SMG7: variants seen among roughly 807,000 people sequenced by gnomAD.
SMG7 encodes the protein SMG7 nonsense mediated mRNA decay factor, also known as nonsense-mediated mRNA decay factor SMG7.
SMG7 carries 34 observed loss-of-function variants against 148.2 expected under a neutral mutation model. The observed-to-expected ratio is 0.23, with a 90% CI of 0.17 to 0.31. The LOEUF (loss-of-function observed/expected upper bound fraction) is 0.31, where lower values mean the gene tolerates loss of function less well. Among genes scored for constraint, SMG7 ranks in the 10% least tolerant of loss-of-function variants. SMG7 has a pLI of 1.00. For missense variants in SMG7, 1,114 were observed against 1,408.4 expected (o/e 0.79, Z 3.35); for synonymous variants, 492 against 515.1 (o/e 0.96, Z 0.61).
In SMG7 at chr1:183,526,642, G is replaced by A. The variant is rs754051143; in HGVS notation, c.359G>A (p.Arg120His). The A allele has an allele frequency of 1.9e-5, 30 of 1,613,028 alleles. No individual in the cohort carries two copies. Among genetic ancestry groups the A allele is most frequent in the East Asian group, 6.7e-5 (3 of 44,880 alleles). The change falls in exon 5 of 23, where the codon CGT becomes CAT. Residue 120 changes from arginine to histidine, a missense_variant. Arg to His is a conservative substitution (Grantham distance 29). Transcript: ENST00000688051. Reference sequence around the variant, plus strand: ...GTATTTAATGTAGATTTACCATGCCGTGTGAAGTCTTCCCAATTGGGAATT... The same window carrying A: ...GTATTTAATGTAGATTTACCATGCCATGTGAAGTCTTCCCAATTGGGAATT... ...CTVFNVDLPC[R>H]VKSSQLGIIS...
At chr1:183,513,826 T>G (rs561037921) in intron 2 of SMG7, among the ~76,000 whole-genome samples, 2 of 151,992 alleles carry the variant, frequency 1.3e-5, no homozygotes, top group East Asian at 3.9e-4. Context: ...GGCCAAGAGT[T>G]CGAGACCAGT....
intron 14 of SMG7, 77 bp downstream of exon 14, chr1:183,542,579 C>G: frequency 9.2e-6 from 12 of 1,299,906 alleles, no homozygotes; most frequent in Non-Finnish European, 1.3e-5. Flanking sequence ...TGTTCTAAAG[C>G]CATGAGAATT....
At chr1:183,501,065 T>G (rs1267927139) in intron 1 of SMG7, 1 of 152,194 alleles carries the variant, frequency 6.6e-6, no homozygotes, top group Non-Finnish European at 1.5e-5. Context: ...ATTCTAGAAT[T>G]GATTAGTGTG....
chr1:183,508,426 C>A (rs1304499065), intron 1 of SMG7, among the ~76,000 whole-genome samples: 1 of 152,042 alleles, frequency 6.6e-6, no homozygotes, highest in South Asian at 2.1e-4. Flanking sequence ...CTCCTGGCTC[C>A]AGTGATCCTC....
At chr1:183,532,673 T>C (rs1260985579) in intron 8 of SMG7, among the ~76,000 whole-genome samples, 3 of 152,236 alleles carry the variant, frequency 2.0e-5, no homozygotes, top group Non-Finnish European at 4.4e-5. Flanking sequence ...TAAGTTTTAA[T>C]GTATCAAGCC....
At chr1:183,491,405 C>T (rs892970328) in intron 1 of SMG7, among the ~76,000 whole-genome samples, 1 of 152,162 alleles carries the variant, frequency 6.6e-6, no homozygotes, top group African/African-American at 2.4e-5. Context: ...AAAGCTAGAA[C>T]ATTCTGTCTA....
At chr1:183,544,328 A>G (rs1669497114) in intron 14 of SMG7, 25 bp from the exon 15 acceptor site, 1 of 1,602,254 alleles carries the variant, frequency 6.2e-7, no homozygotes, top group Admixed American at 1.7e-5. Flanking sequence ...TTTATTATAG[A>G]TAGTTTTGCT....
intron 1 of SMG7, among the ~76,000 whole-genome samples, chr1:183,482,229 T>TG (rs753805578): frequency 5.3e-5 from 8 of 149,922 alleles, no homozygotes; most frequent in East Asian, 2.0e-4. Flanking sequence ...TGTGTGGGGG[T>TG]GGGGGGTCTA....
At position 183,527,319 on chromosome 1, in the gene SMG7, T is replaced by A. The variant is rs536987367; in HGVS notation, c.484+552T>A. On this transcript the variant is annotated intron_variant, in intron 5 of 22. Coordinates refer to ENST00000688051, the MANE Select transcript of SMG7 (RefSeq NM_001375584.1). This position sits in a 1 kb window ranked among gnomAD's most constrained non-coding sequence, Gnocchi z 4.0. ...AAAACAAATTAACTATAGGATTATGTTTTGCTTGTCCTCAAATAACAAAGA... is the reference window on the plus strand; with the variant it reads ...AAAACAAATTAACTATAGGATTATGATTTGCTTGTCCTCAAATAACAAAGA... Among the ~76,000 whole-genome samples the A allele has an allele frequency of 2.6e-5, 4 of 152,334 alleles. No individual in the cohort carries two copies. Among genetic ancestry groups the A allele is most frequent in the Middle Eastern group, 3.4e-3 (1 of 294 alleles).
rs1470450234 is a variant in SMG7 at position 183,509,860 on chromosome 1, T to TA, written c.30-2973dup. Among the ~76,000 whole-genome samples, 4 of 152,182 alleles carry TA rather than the reference T, an allele frequency of 2.6e-5. No homozygotes were observed. The South Asian group carries it at 8.3e-4, about 32-fold the overall frequency. On this transcript the variant is annotated intron_variant, in intron 1 of 22. Coordinates refer to ENST00000688051, the MANE Select transcript of SMG7 (RefSeq NM_001375584.1). Reference sequence around the variant, plus strand: ...TTATAGCATGGTAAAAATAACAGAGTAAAATTTTAGATCTGTGTTTATCAA... The same window carrying TA: ...TTATAGCATGGTAAAAATAACAGAGTAAAAATTTTAGATCTGTGTTTATCAA...
At chr1:183,544,888 G>T (rs1260513421) in intron 15 of SMG7, 42 bp from the exon 16 acceptor site, 17 of 1,565,986 alleles carry the variant, frequency 1.1e-5, no homozygotes, top group Middle Eastern at 1.7e-4. Context: ...GCAATTTTTT[G>T]CTGTTTCCTT....
Position 183,524,882 on chromosome 1 carries a change from TCTCTC to T in SMG7, c.313-1711_313-1707del, listed in dbSNP as rs143815853. On this transcript the variant is annotated intron_variant, in intron 4 of 22. Coordinates refer to ENST00000688051, the MANE Select transcript of SMG7 (RefSeq NM_001375584.1). ...TATTGTGTGTCATGTTGTCTGTCCT[TCTCTC>T]CTTTCCCTTTTCCCTCTCCCTCCCT... 4.2e-3 allele frequency among the ~76,000 whole-genome samples: 639 copies of T among 152,246 alleles called. 3 individuals are homozygous for T. Among genetic ancestry groups the T allele is most frequent in the Non-Finnish European group, 4.5e-3 (307 of 67,996 alleles).
In SMG7 at chr1:183,552,267, A is replaced by G. The variant is rs547339375; in HGVS notation, c.*336A>G. On this transcript the variant is annotated 3_prime_UTR_variant, in exon 23 of 23. Coordinates refer to ENST00000688051, the MANE Select transcript of SMG7 (RefSeq NM_001375584.1). ...CATGGGAAGTGAAAGCTGAGAAGGG[A>G]AGGCAGATGGGAGAAGCCAATGGGA... The G allele has an allele frequency of 2.9e-6, 3 of 1,027,272 alleles. No homozygotes were observed. In the East Asian group the frequency reaches 2.6e-4, roughly 87 times the overall value. 63.6% of individuals were successfully genotyped at this position (1,027,272 alleles called of 1,614,324 possible).
intron 1 of SMG7, among the ~76,000 whole-genome samples, chr1:183,510,935 G>C (rs1259942706): frequency 2.0e-5 from 3 of 151,936 alleles, no homozygotes; most frequent in Non-Finnish European, 4.4e-5. Context: ...AGCTTGCAGT[G>C]AGCCGAGATC....
At chr1:183,473,004 A>C (rs1651113068) in intron 1 of SMG7, 1 of 316,752 alleles carries the variant, frequency 3.2e-6, no homozygotes, top group Admixed American at 5.0e-5. Flanking sequence ...GGTGTGGAGG[A>C]GTCTGATCCC....
chr1:183,537,610 C>T (rs954617660), intron 11 of SMG7, among the ~76,000 whole-genome samples: 12 of 152,296 alleles, frequency 7.9e-5, no homozygotes, highest in South Asian at 2.1e-4. Context: ...TTACTAGTCA[C>T]GATAGTATAT....
intron 5 of SMG7, 21 bp downstream of exon 5, chr1:183,526,788 A>T: frequency 6.3e-7 from 1 of 1,586,206 alleles, no homozygotes; most frequent in Non-Finnish European, 8.6e-7. Context: ...GCTGTGAAGG[A>T]ATTGATAATA....
At position 183,545,296 on chromosome 1, in the gene SMG7, A is replaced by C. The variant is rs759670799; in HGVS notation, c.2354A>C (p.His785Pro). ...VPALGKSPPH[H>P]SGFQQYQQAD... is the part of the protein sequence containing the mutation. ...GCTTTGGGGAAAAGCCCGCCTCACC[A>C]CTCTGGATTCCAGCAGGTAAGTTAC... The change falls in exon 16 of 23, where the codon CAC becomes CCC. Residue 785 changes from histidine (H) to proline (P), a missense_variant. By Grantham distance (77) the His-to-Pro change is moderately conservative. Transcript: ENST00000688051. 1 of 1,609,684 alleles carries C rather than the reference A, an allele frequency of 6.2e-7. No individual in the cohort carries two copies. Among genetic ancestry groups the C allele is most frequent in the East Asian group, 2.2e-5 (1 of 44,872 alleles).
At chr1:183,516,407 G>A (rs1357656965) in intron 3 of SMG7, among the ~76,000 whole-genome samples, 7 of 152,068 alleles carry the variant, frequency 4.6e-5, no homozygotes, top group African/African-American at 1.7e-4. Flanking sequence ...AAATGTATTT[G>A]CATTGTAAGG....
Sources: allele counts gnomAD v4.1 joint callset (sites outside exome capture counted in the v4.1 genomes callset), GRCh38; gene constraint gnomAD v4.1.1; non-coding constraint Gnocchi (gnomAD v3.1); transcripts MANE v1.5; gene names NCBI Gene and HGNC (gene_info 2026-07-23, HGNC 2026-07-21).